The following WWOX variants were observed in gnomAD, a reference collection of about 807,000 sequenced individuals.
WWOX encodes WW domain containing oxidoreductase.
In WWOX, 69 loss-of-function variants were observed where a neutral mutation model predicts 46.2. The observed-to-expected ratio is 1.49, with a 90% CI of 1.23 to 1.82. The LOEUF (loss-of-function observed/expected upper bound fraction) is 1.82, where lower values mean the gene tolerates loss of function less well. WWOX is among the 40% of genes most tolerant of loss of function. The pLI is 0.00. For missense variants in WWOX, 919 were observed against 542.6 expected, an observed-to-expected ratio of 1.69 and a Z score of -6.89; for synonymous variants, 359 against 202.6, an observed-to-expected ratio of 1.77 and a Z score of -6.56.
At chr16:78,252,962 A>AGG (rs2038024760) in intron 5 of WWOX, among the ~76,000 whole-genome samples, 3 of 152,236 alleles carry the variant, frequency 2.0e-5, no homozygotes, top group Admixed American at 2.0e-4. Context: ...TATTCAGCAT[A>AGG]GGGGCTGATA....
chr16:78,798,708 A>C (rs1403611033), intron 8 of WWOX, among the ~76,000 whole-genome samples: 12 of 151,922 alleles, frequency 7.9e-5, no homozygotes, highest in Admixed American at 7.2e-4. Flanking sequence ...AAAATAAGCT[A>C]TGGGATGTAC....
chr16:78,908,292 C>T (rs1389384958), intron 8 of WWOX, among the ~76,000 whole-genome samples: 1 of 152,056 alleles, frequency 6.6e-6, no homozygotes, highest in Non-Finnish European at 1.5e-5. Flanking sequence ...GTAATCCCAG[C>T]ATTTTGGGAG....
intron 8 of WWOX, among the ~76,000 whole-genome samples, chr16:78,950,540 A>T (rs1360532666): frequency 7.6e-6 from 1 of 131,080 alleles, no homozygotes; most frequent in Non-Finnish European, 1.8e-5. Context: ...ACATACACAC[A>T]CACACACACA....
At chr16:78,502,045 G>T (rs1419810257) in intron 8 of WWOX, among the ~76,000 whole-genome samples, 1 of 152,118 alleles carries the variant, frequency 6.6e-6, no homozygotes, top group East Asian at 1.9e-4. Flanking sequence ...CTGACTCAGG[G>T]TTTTAGCCAA....
rs375497787 is a variant in WWOX at position 78,934,494 on chromosome 16, G to A, written c.1057-277114G>A. ...ACTGCACTGCAGCCTGGGCAACAGT[G>A]CGAAACCCTGTATCAAAAAAAAAAA... is the stretch of plus-strand genomic sequence containing the variant. On this transcript the variant is annotated intron_variant, in intron 8 of 8. Coordinates refer to ENST00000566780, the MANE Select transcript of WWOX (RefSeq NM_016373.4). Among the ~76,000 whole-genome samples the A allele has an allele frequency of 7.3e-3, 953 of 130,674 alleles. 12 individuals carry two copies. Among genetic ancestry groups the A allele is most frequent in the African/African-American group, 0.027 (918 of 34,060 alleles). The allele number at this position is 130,674 out of a possible 152,430, so 85.7% of individuals were successfully genotyped here. A position where few individuals can be genotyped will look rare whatever the true frequency, so the allele number is the denominator to read the frequency against.
chr16:79,127,905 G>A (rs2049792790), intron 8 of WWOX, among the ~76,000 whole-genome samples: 1 of 152,174 alleles, frequency 6.6e-6, no homozygotes, highest in South Asian at 2.1e-4. Flanking sequence ...GAGAAGATTG[G>A]ATTCAGGGCA....
chr16:78,318,778 G>C lies in WWOX; in HGVS notation c.517-68082G>C, dbSNP rs74029887. 7.5e-3 allele frequency among the ~76,000 whole-genome samples: 1,136 copies of C among 152,258 alleles called. 12 individuals are homozygous for C. Among genetic ancestry groups the C allele is most frequent in the African/African-American group, 0.025 (1,031 of 41,542 alleles). On this transcript the variant is annotated intron_variant, in intron 5 of 8. Transcript: ENST00000566780. ...ATATAGGAAGTTAAAAAATAGCACA[G>C]AGGGGATCCCTGTGATTTTTACTCA...
intron 6 of WWOX, among the ~76,000 whole-genome samples, chr16:78,420,668 T>TTTTTTTG (rs2082905396): frequency 6.7e-6 from 1 of 148,574 alleles, no homozygotes; most frequent in African/African-American, 2.5e-5. Context: ...TTTTTTTTTT[T>TTTTTTTG]GAGTTAAAAA....
chr16:78,466,188 T>A (rs754815448), intron 8 of WWOX, among the ~76,000 whole-genome samples: 4 of 152,072 alleles, frequency 2.6e-5, no homozygotes, highest in Admixed American at 6.6e-5. Context: ...CCCGCCACCA[T>A]GCTTGGCTAA....
intron 5 of WWOX, among the ~76,000 whole-genome samples, chr16:78,246,743 T>C (rs2037826661): frequency 6.6e-6 from 1 of 152,178 alleles, no homozygotes; most frequent in Non-Finnish European, 1.5e-5. Context: ...CCATCAGTCA[T>C]GAGTCCGTTC....
At chr16:78,806,600 C>A (rs2051043931) in intron 8 of WWOX, among the ~76,000 whole-genome samples, 1 of 152,042 alleles carries the variant, frequency 6.6e-6, no homozygotes, top group Non-Finnish European at 1.5e-5. Context: ...TCTCCATGTA[C>A]CCTGAGCTTC....
At chr16:78,922,968 T>A (rs2045412918) in intron 8 of WWOX, among the ~76,000 whole-genome samples, 1 of 121,298 alleles carries the variant, frequency 8.2e-6, no homozygotes, top group Non-Finnish European at 1.7e-5. Flanking sequence ...TCAGGAGGCA[T>A]AATTCTTTCT....
At chr16:78,703,425 G>A (rs540523358) in intron 8 of WWOX, among the ~76,000 whole-genome samples, 1 of 150,850 alleles carries the variant, frequency 6.6e-6, no homozygotes, top group Admixed American at 6.6e-5. Context: ...AGACCAGTGT[G>A]GGTAACATAG....
At chr16:79,020,556 T>C (rs2047513337) in intron 8 of WWOX, among the ~76,000 whole-genome samples, 1 of 152,192 alleles carries the variant, frequency 6.6e-6, no homozygotes, top group Non-Finnish European at 1.5e-5. Flanking sequence ...ACACAATCTA[T>C]AAATGTTTGC....
chr16:79,006,859 A>T (rs111289842), intron 8 of WWOX, among the ~76,000 whole-genome samples: 12 of 152,200 alleles, frequency 7.9e-5, no homozygotes, highest in African/African-American at 2.2e-4. Context: ...CTCTCTTCAG[A>T]TTCCCTCTTC....
intron 8 of WWOX, among the ~76,000 whole-genome samples, chr16:79,122,307 A>G (rs1371699177): frequency 6.6e-6 from 1 of 152,194 alleles, no homozygotes; most frequent in African/African-American, 2.4e-5. Context: ...GGAAGCAACG[A>G]GTCCCTTGTT....
At chr16:78,771,937 A>G (rs2050074783) in intron 8 of WWOX, among the ~76,000 whole-genome samples, 1 of 152,222 alleles carries the variant, frequency 6.6e-6, no homozygotes, top group South Asian at 2.1e-4. Flanking sequence ...TTTTTTTGAA[A>G]AGAATAGTAC....
At chr16:78,767,482 CTGTGTGTG>C (rs3051061) in intron 8 of WWOX, among the ~76,000 whole-genome samples, 5 of 143,036 alleles carry the variant, frequency 3.5e-5, no homozygotes, top group Admixed American at 6.9e-5. Flanking sequence ...GTGTGTGTGT[CTGTGTGTG>C]TGTGTGTGTG....
chr16:79,130,925 C>G (rs191535991), intron 8 of WWOX, among the ~76,000 whole-genome samples: 1 of 152,106 alleles, frequency 6.6e-6, no homozygotes, highest in African/African-American at 2.4e-5. Flanking sequence ...GCATGCCAAC[C>G]GAAGAGACCA....
Sources: gnomAD v4.1 joint callset for allele counts (sites outside exome capture counted in the v4.1 genomes callset) on GRCh38, gnomAD v4.1.1 for gene constraint, MANE v1.5 for transcripts, NCBI Gene and HGNC (gene_info 2026-07-23, HGNC 2026-07-21) for gene names.